NCOA3: variants seen among roughly 807,000 people sequenced by gnomAD.
The protein encoded by NCOA3 is CBP-interacting protein.
In NCOA3, 51 loss-of-function variants were observed where a neutral mutation model predicts 158.8. The ratio of observed to expected loss-of-function variants is 0.32; its 90% CI spans 0.26 to 0.41. The LOEUF (loss-of-function observed/expected upper bound fraction) is 0.41, where lower values mean the gene tolerates loss of function less well. Among genes scored for constraint, NCOA3 ranks in the 10% least tolerant of loss-of-function variants. NCOA3 has a pLI of 1.00. For missense variants in NCOA3, 1,510 were observed against 1,746.6 expected, an observed-to-expected ratio of 0.86 and a Z score of 2.41; for synonymous variants, 537 against 592.4, an observed-to-expected ratio of 0.91 and a Z score of 1.36.
intron 1 of NCOA3, among the ~76,000 whole-genome samples, chr20:47,555,672 C>T (rs2084993016): frequency 7.0e-6 from 1 of 142,108 alleles, no homozygotes. Flanking sequence ...AGAGTCTCGC[C>T]CTGTCGCCCA....
chr20:47,513,341 A>T (rs892088244), intron 1 of NCOA3, among the ~76,000 whole-genome samples: 1 of 152,172 alleles, frequency 6.6e-6, no homozygotes, highest in South Asian at 2.1e-4. Flanking sequence ...ATATGAGGAT[A>T]TTTACTTCCA....
rs2086519848 is a variant in NCOA3 at position 47,636,553 on chromosome 20, A to G, written c.2167A>G (p.Lys723Glu). 1 of 1,614,092 alleles carries G rather than the reference A, an allele frequency of 6.2e-7. No homozygotes were observed. Reference sequence around the variant, plus strand: ...TTCTTGTGGGGACGGAAATGTTGTCAAGCAGGAGCAGCTAAGTCCTAAGAA... The same window carrying G: ...TTCTTGTGGGGACGGAAATGTTGTCGAGCAGGAGCAGCTAAGTCCTAAGAA... ...ITSCGDGNVV[K>E]QEQLSPKKKE... is the part of the protein sequence containing the mutation. The change falls in exon 12 of 23, where the codon AAG becomes GAG. Residue 723 changes from lysine to glutamate, a missense_variant. By Grantham distance (56) the Lys-to-Glu change is moderately conservative. Transcript: ENST00000371998.
chr20:47,656,695 C>T lies in NCOA3; in HGVS notation c.*3278C>T, dbSNP rs1257130537. ...TTAAATTCTCAGGAATTGACTTATACTCTTGAGAATGAATTCAGTTTCAAT... is the reference window on the plus strand; with the variant it reads ...TTAAATTCTCAGGAATTGACTTATATTCTTGAGAATGAATTCAGTTTCAAT... On this transcript the variant is annotated 3_prime_UTR_variant, in exon 23 of 23. Transcript: ENST00000371998. 1.3e-5 allele frequency: 2 copies of T among 152,504 alleles called. No individual in the cohort carries two copies. Among genetic ancestry groups the T allele is most frequent in the Non-Finnish European group, 2.9e-5 (2 of 68,030 alleles). The allele number at this position is 152,504 out of a possible 1,614,324, so 9.4% of individuals were successfully genotyped here.
intron 1 of NCOA3, among the ~76,000 whole-genome samples, chr20:47,572,307 T>C (rs1451973378): frequency 6.6e-6 from 1 of 151,998 alleles, no homozygotes; most frequent in East Asian, 1.9e-4. Context: ...GAGGCTGAGG[T>C]AGGGGGATCG....
intron 1 of NCOA3, among the ~76,000 whole-genome samples, chr20:47,548,122 A>G (rs186456474): frequency 3.3e-5 from 5 of 152,094 alleles, no homozygotes; most frequent in Non-Finnish European, 7.4e-5. Flanking sequence ...AAATTGGTTA[A>G]ATAAAGTTAG....
At position 47,649,050 on chromosome 20, in the gene NCOA3, C is replaced by T. The variant is rs145970976; in HGVS notation, c.3592C>T (p.Pro1198Ser). Residue 1198 changes from proline (P) to serine (S), a missense_variant, in exon 19 of 23, where the codon CCT becomes TCT. Transcript: ENST00000371998. ...RQALELKMEN[P>S]TAGGAAVMRP... The stretch of plus-strand genomic sequence containing the variant: ...GGCACTTGAATTGAAAATGGAAAAC[C>T]CTACTGCTGGTGGTGCTGCGGTGAT... 1.9e-6 allele frequency: 3 copies of T among 1,614,020 alleles called. No individual in the cohort carries two copies. Among genetic ancestry groups the T allele is most frequent in the Non-Finnish European group, 2.5e-6 (3 of 1,179,962 alleles).
At chr20:47,565,938 T>C (rs1022555244) in intron 1 of NCOA3, among the ~76,000 whole-genome samples, 1 of 152,230 alleles carries the variant, frequency 6.6e-6, no homozygotes, top group Non-Finnish European at 1.5e-5. Context: ...AACCTAAGTT[T>C]AAAAATGAAG....
intron 1 of NCOA3, among the ~76,000 whole-genome samples, chr20:47,572,183 A>G (rs2085305013): frequency 6.6e-6 from 1 of 152,086 alleles, no homozygotes; most frequent in African/African-American, 2.4e-5. Flanking sequence ...GGTTGGTTTG[A>G]TCTTTCCAGT....
intron 1 of NCOA3, among the ~76,000 whole-genome samples, chr20:47,569,435 T>A (rs970638875): frequency 6.6e-6 from 1 of 152,036 alleles, no homozygotes; most frequent in Non-Finnish European, 1.5e-5. Context: ...ATCCCAGCAC[T>A]TGGGGAGGCT....
intron 8 of NCOA3, among the ~76,000 whole-genome samples, chr20:47,632,183 G>A (rs1001895594): frequency 5.3e-5 from 8 of 152,068 alleles, no homozygotes; most frequent in Non-Finnish European, 8.8e-5. Flanking sequence ...CAAGAAATCC[G>A]GAAATGCTTT....
chr20:47,544,114 G>C (rs2084788474), intron 1 of NCOA3, among the ~76,000 whole-genome samples: 1 of 151,966 alleles, frequency 6.6e-6, no homozygotes, highest in Non-Finnish European at 1.5e-5. Flanking sequence ...GCTAACACTG[G>C]TATAATACTG....
At chr20:47,560,914 T>C (rs1377488862) in intron 1 of NCOA3, among the ~76,000 whole-genome samples, 2 of 151,892 alleles carry the variant, frequency 1.3e-5, no homozygotes, top group Non-Finnish European at 2.9e-5. Context: ...TCTGAGTTTT[T>C]AGGTGTACCT....
At chr20:47,599,799 T>C (rs2085827971) in intron 2 of NCOA3, among the ~76,000 whole-genome samples, 1 of 152,194 alleles carries the variant, frequency 6.6e-6, no homozygotes, top group African/African-American at 2.4e-5. Flanking sequence ...CAGCAGCATA[T>C]CTTTTTCATG....
intron 1 of NCOA3, among the ~76,000 whole-genome samples, chr20:47,522,270 T>C (rs968408351): frequency 6.6e-6 from 1 of 151,642 alleles, no homozygotes; most frequent in Non-Finnish European, 1.5e-5. Context: ...GCCCGGCTAA[T>C]TTTTTGTATT....
intron 1 of NCOA3, among the ~76,000 whole-genome samples, chr20:47,517,451 C>CTTTTTTTTTTTTTTTTTTTTTT (rs376699406): frequency 7.7e-6 from 1 of 129,276 alleles, no homozygotes; most frequent in Admixed American, 7.7e-5. Flanking sequence ...TTTTCTTTTT[C>CTTTTTTTTTTTTTTTTTTTTTT]TTTTTTTTTT....
chr20:47,630,023 C>T (rs1359086444), intron 8 of NCOA3, among the ~76,000 whole-genome samples: 1 of 152,172 alleles, frequency 6.6e-6, no homozygotes. Context: ...TTACTTTTGA[C>T]CTCTGGGGAT....
intron 2 of NCOA3, among the ~76,000 whole-genome samples, chr20:47,604,757 G>T (rs1168189714): frequency 1.3e-5 from 2 of 152,082 alleles, no homozygotes; most frequent in African/African-American, 2.4e-5. Flanking sequence ...TCTCATTAAG[G>T]ATCATAAACA....
chr20:47,527,132 G>A (rs1199601519), intron 1 of NCOA3, among the ~76,000 whole-genome samples: 1 of 152,156 alleles, frequency 6.6e-6, no homozygotes, highest in African/African-American at 2.4e-5. Context: ...GATCATGTCT[G>A]TGAATAAAGA....
chr20:47,639,526 A>C (rs1161768489), intron 14 of NCOA3, 51 bp from the exon 15 acceptor site: 3 of 1,600,906 alleles, frequency 1.9e-6, no homozygotes, highest in African/African-American at 1.3e-5. Flanking sequence ...ATGGTATAAG[A>C]AGGATTTCAT....
Sources: allele counts gnomAD v4.1 joint callset (sites outside exome capture counted in the v4.1 genomes callset), GRCh38; gene constraint gnomAD v4.1.1; transcripts MANE v1.5; gene names NCBI Gene and HGNC (gene_info 2026-07-23, HGNC 2026-07-21).